EML6: variants seen among roughly 807,000 people sequenced by gnomAD.
The protein encoded by EML6 is echinoderm microtubule-associated protein-like 6.
In EML6, 154 loss-of-function variants were observed where a neutral mutation model predicts 240.1. That is an observed-to-expected ratio of 0.64 (90% CI 0.56 to 0.73). The LOEUF (loss-of-function observed/expected upper bound fraction) is 0.73, where lower values mean the gene tolerates loss of function less well. Ranked by LOEUF, EML6 falls within the 30% of genes least tolerant of loss-of-function variation. The pLI is 0.00. For missense variants in EML6, 2,964 were observed against 2,474.6 expected (o/e 1.20, Z -4.20); for synonymous variants, 1,148 against 899.0 (o/e 1.28, Z -4.95).
chr2:54,946,348 C>A (rs1054269318), intron 28 of EML6, among the ~76,000 whole-genome samples: 1 of 152,152 alleles, frequency 6.6e-6, no homozygotes, highest in Non-Finnish European at 1.5e-5. Context: ...GTGCCCACAG[C>A]CTTCCTCGCA....
At chr2:54,946,240 C>G (rs1675689235) in intron 28 of EML6, among the ~76,000 whole-genome samples, 1 of 152,200 alleles carries the variant, frequency 6.6e-6, no homozygotes, top group Admixed American at 6.5e-5. Flanking sequence ...CTTGCCCCAC[C>G]AGGCCCCTTT....
intron 2 of EML6, among the ~76,000 whole-genome samples, chr2:54,758,424 T>G (rs1308331884): frequency 6.6e-6 from 1 of 152,214 alleles, no homozygotes; most frequent in African/African-American, 2.4e-5. Flanking sequence ...TTCTCTTATT[T>G]CTGGACCTCT....
At chr2:54,848,398 C>G (rs961955357) in intron 9 of EML6, among the ~76,000 whole-genome samples, 7 of 152,164 alleles carry the variant, frequency 4.6e-5, no homozygotes, top group Non-Finnish European at 1.5e-5. Context: ...ACTACATTCT[C>G]ACTACCAACC....
chr2:54,843,221 G>A (rs963800156), intron 7 of EML6, among the ~76,000 whole-genome samples: 2 of 152,130 alleles, frequency 1.3e-5, no homozygotes, highest in African/African-American at 4.8e-5. Flanking sequence ...ACATTCTACT[G>A]TTTAAGACCA....
intron 2 of EML6, among the ~76,000 whole-genome samples, chr2:54,784,556 CG>C (rs1174322731): frequency 3.3e-5 from 5 of 152,126 alleles, no homozygotes; most frequent in Non-Finnish European, 5.9e-5. Flanking sequence ...CACCCCCTTG[CG>C]GTGAAAATCC....
rs75479836 is a variant in EML6 at position 54,962,549 on chromosome 2, C to T, written c.4995C>T (p.Asp1665=). 0.064 allele frequency: 98,335 copies of T among 1,546,594 alleles called. 3,732 individuals are homozygous for T. Among genetic ancestry groups the T allele is most frequent in the Middle Eastern group, 0.078 (466 of 5,988 alleles). Residue 1665 remains aspartate (D), a synonymous_variant, in exon 36 of 42, where the codon GAC becomes GAT. Transcript: ENST00000356458. ...GKGKILVGTK[D]GEIIEVGEKN... ...GAAAAATCTTAGTGGGAACCAAAGA[C>T]GGAGAAATAATTGAAGTTGGTGAAA...
chr2:54,903,546 A>T (rs1324716924), intron 24 of EML6, 44 bp downstream of exon 24: 2 of 1,519,788 alleles, frequency 1.3e-6, no homozygotes. Flanking sequence ...CTGTGTTTAA[A>T]AAATGTCCAT....
chr2:54,725,024 C>A lies in EML6; in HGVS notation c.-38C>A, dbSNP rs930284059. ...CCAGCCTCGGCGAGGACGGCCCCGG[C>A]GCGCGGGGGGGCGGGGGGCGCGCGG... On this transcript the variant is annotated 5_prime_UTR_variant, in exon 2 of 42. Coordinates refer to ENST00000356458, the MANE Select transcript of EML6 (RefSeq NM_001039753.4). The surrounding 1 kb of genome is among the most constrained non-coding windows in gnomAD (Gnocchi z 4.3). 1.4e-5 allele frequency: 20 copies of A among 1,462,558 alleles called. No homozygotes were observed. Among genetic ancestry groups the A allele is most frequent in the Non-Finnish European group, 1.7e-5 (19 of 1,107,700 alleles). 90.6% of individuals were successfully genotyped at this position (1,462,558 alleles called of 1,614,324 possible). A position where few individuals can be genotyped will look rare whatever the true frequency, so the allele number is the denominator to read the frequency against.
Position 54,723,670 on chromosome 2 carries a change from A to AGG in EML6, c.-620_-619insGG, listed in dbSNP as rs1682780712. ...GTCTCCCGCGGCGCCCCAGTGACGAAGTCCATCCCCGGGTGCGGGAGGCGG... is the reference window on the plus strand; with the variant it reads ...GTCTCCCGCGGCGCCCCAGTGACGAAGGGTCCATCCCCGGGTGCGGGAGGCGG... On this transcript the variant is annotated 5_prime_UTR_variant, in exon 1 of 42. Transcript: ENST00000356458. 1 of 152,202 alleles carries AGG rather than the reference A, an allele frequency of 6.6e-6. No individual in the cohort carries two copies. Among genetic ancestry groups the AGG allele is most frequent in the African/African-American group, 2.4e-5 (1 of 41,450 alleles). The allele number at this position is 152,202 out of a possible 1,614,324, so 9.4% of individuals were successfully genotyped here. A position where few individuals can be genotyped will look rare whatever the true frequency, so the allele number is the denominator to read the frequency against.
chr2:54,728,833 C>T (rs1683025126), intron 2 of EML6, among the ~76,000 whole-genome samples: 1 of 152,156 alleles, frequency 6.6e-6, no homozygotes, highest in Non-Finnish European at 1.5e-5. Context: ...CCTAACCTAC[C>T]ATCCTATCCT....
At chr2:54,739,787 C>A (rs1408213263) in intron 2 of EML6, among the ~76,000 whole-genome samples, 2 of 152,220 alleles carry the variant, frequency 1.3e-5, no homozygotes, top group Non-Finnish European at 2.9e-5. Flanking sequence ...AGGCTGTATA[C>A]CTGTCACTCT....
intron 35 of EML6, among the ~76,000 whole-genome samples, chr2:54,961,484 G>C (rs1235433200): frequency 1.3e-5 from 2 of 151,582 alleles, no homozygotes; most frequent in Non-Finnish European, 2.9e-5. Flanking sequence ...ATCACACCTG[G>C]CCAGGAAGCA....
intron 2 of EML6, among the ~76,000 whole-genome samples, chr2:54,802,842 A>G (rs1670244689): frequency 6.6e-6 from 1 of 152,098 alleles, no homozygotes; most frequent in Non-Finnish European, 1.5e-5. Flanking sequence ...CTCAGTAGAG[A>G]GACACACTCT....
At chr2:54,762,978 C>T (rs967784086) in intron 2 of EML6, among the ~76,000 whole-genome samples, 3 of 152,166 alleles carry the variant, frequency 2.0e-5, no homozygotes, top group South Asian at 4.1e-4. Flanking sequence ...TACATTTAAA[C>T]ATCTTAAGTT....
chr2:54,790,921 T>C (rs1669410042), intron 2 of EML6, among the ~76,000 whole-genome samples: 2 of 151,802 alleles, frequency 1.3e-5, no homozygotes, highest in Admixed American at 1.3e-4. Context: ...GAGACGGGGT[T>C]TCACCATGTT....
At position 54,928,741 on chromosome 2, in the gene EML6, G is replaced by T. The variant is rs779551415; in HGVS notation, c.3994G>T (p.Val1332Leu). 3.9e-6 allele frequency: 6 copies of T among 1,551,856 alleles called. No homozygotes were observed. The highest frequency in any genetic ancestry group is 3.6e-5 in the South Asian group (3 of 84,058). Reference sequence around the variant, plus strand: ...ACACCAGCAGCTGAAGGAAGTTTCCGTGGAAGAAAGGTATGGTGTTGCCAG... The same window carrying T: ...ACACCAGCAGCTGAAGGAAGTTTCCTTGGAAGAAAGGTATGGTGTTGCCAG... The part of the protein sequence containing the change: ...KPHQQLKEVS[V>L]EERPPVSRAA... The change falls in exon 28 of 42, where the codon GTG becomes TTG. Residue 1332 changes from valine to leucine, a missense_variant. Coordinates refer to ENST00000356458, the MANE Select transcript of EML6 (RefSeq NM_001039753.4).
intron 2 of EML6, among the ~76,000 whole-genome samples, chr2:54,771,240 A>C (rs1395031037): frequency 6.6e-6 from 1 of 152,198 alleles, no homozygotes; most frequent in African/African-American, 2.4e-5. Flanking sequence ...TAAAGCCTTT[A>C]ACCTGGACTG....
At chr2:54,756,767 A>G (rs1667750072) in intron 2 of EML6, among the ~76,000 whole-genome samples, 1 of 152,004 alleles carries the variant, frequency 6.6e-6, no homozygotes, top group Non-Finnish European at 1.5e-5. Context: ...AAATTTAACA[A>G]TAATGTGGCT....
At chr2:54,842,826 A>G (rs942052785) in intron 7 of EML6, among the ~76,000 whole-genome samples, 1 of 152,212 alleles carries the variant, frequency 6.6e-6, no homozygotes, top group African/African-American at 2.4e-5. Context: ...TGTGGACTTT[A>G]AAGGAGTACT....
Sources: allele counts gnomAD v4.1 joint callset (sites outside exome capture counted in the v4.1 genomes callset), GRCh38; gene constraint gnomAD v4.1.1; non-coding constraint Gnocchi (gnomAD v3.1); transcripts MANE v1.5; gene names NCBI Gene and HGNC (gene_info 2026-07-23, HGNC 2026-07-21).